Variants in EIPR1 observed in about 807,000 individuals in gnomAD.
EIPR1 encodes EARP and GARP complex-interacting protein 1.
In EIPR1, 25 loss-of-function variants were observed where a neutral mutation model predicts 48.1. The ratio of observed to expected loss-of-function variants is 0.52; its 90% confidence interval spans 0.38 to 0.73. The LOEUF is 0.73. Ranked by LOEUF, EIPR1 falls within the 30% of genes least tolerant of loss-of-function variation. EIPR1 has a pLI of 0.00. For synonymous variants in EIPR1, 204 were observed against 201.9 expected, an observed-to-expected ratio of 1.01 and a Z score of -0.09; for missense variants, 415 against 506.2, an observed-to-expected ratio of 0.82 and a Z score of 1.73.
intron 3 of EIPR1, among the ~76,000 whole-genome samples, chr2:3,306,524 C>T (rs568646033): frequency 5.8e-4 from 88 of 152,316 alleles, no homozygotes; most frequent in Non-Finnish European, 1.2e-3. Context: ...AACTTAACTA[C>T]TAATAGCCCA....
At chr2:3,203,638 C>T (rs1665124721) in intron 5 of EIPR1, among the ~76,000 whole-genome samples, 1 of 152,250 alleles carries the variant, frequency 6.6e-6, no homozygotes, top group South Asian at 2.1e-4. Flanking sequence ...AGAAGAGGCC[C>T]ATGGTCGGCA....
At chr2:3,308,464 A>G (rs937944193) in intron 3 of EIPR1, among the ~76,000 whole-genome samples, 2 of 152,216 alleles carry the variant, frequency 1.3e-5, no homozygotes, top group African/African-American at 2.4e-5. Flanking sequence ...ACAGAACAAC[A>G]GGAAATGTCC....
chr2:3,293,148 T>C (rs1195673315), intron 3 of EIPR1, among the ~76,000 whole-genome samples: 4 of 152,198 alleles, frequency 2.6e-5, no homozygotes, highest in East Asian at 1.9e-4. Flanking sequence ...CTACAATCTA[T>C]AGCCTGGTGG....
intron 4 of EIPR1, among the ~76,000 whole-genome samples, chr2:3,255,998 G>A (rs931784964): frequency 1.3e-5 from 2 of 152,166 alleles, no homozygotes; most frequent in African/African-American, 4.8e-5. Context: ...GACAGCAGTG[G>A]CAATCACTCC....
At chr2:3,344,995 C>T (rs1670357520) in intron 2 of EIPR1, among the ~76,000 whole-genome samples, 1 of 152,104 alleles carries the variant, frequency 6.6e-6, no homozygotes, top group Admixed American at 6.5e-5. Flanking sequence ...TATTAATAGC[C>T]CTTGCCCATG....
intron 4 of EIPR1, among the ~76,000 whole-genome samples, chr2:3,218,327 C>G (rs1381756166): frequency 4.1e-5 from 6 of 147,036 alleles, no homozygotes; most frequent in East Asian, 2.1e-4. Flanking sequence ...GAGTCAGGTG[C>G]ACACCCAACA....
intron 3 of EIPR1, among the ~76,000 whole-genome samples, chr2:3,307,433 A>T (rs892526750): frequency 9.2e-5 from 14 of 152,204 alleles, no homozygotes; most frequent in Admixed American, 6.5e-4. Flanking sequence ...CACAGTGTTC[A>T]TGCAGGAGCC....
chr2:3,375,957 C>T (rs1384975360), intron 1 of EIPR1, among the ~76,000 whole-genome samples: 1 of 152,114 alleles, frequency 6.6e-6, no homozygotes, highest in Non-Finnish European at 1.5e-5. Flanking sequence ...TTAACTGCTG[C>T]CCTGTATAAA....
intron 4 of EIPR1, among the ~76,000 whole-genome samples, chr2:3,252,285 C>G (rs2103210081): frequency 6.6e-6 from 1 of 152,168 alleles, no homozygotes; most frequent in South Asian, 2.1e-4. Flanking sequence ...GCGGCAACTC[C>G]TACGAAGATA....
chr2:3,203,307 C>T (rs956054448), intron 5 of EIPR1, among the ~76,000 whole-genome samples: 2 of 152,204 alleles, frequency 1.3e-5, no homozygotes, highest in Admixed American at 1.3e-4. Context: ...TTTCATGAGG[C>T]TTAGGAACTG....
rs566605791 is a variant in EIPR1, at chr2:3,258,918, T to TTTTA, written c.260-1467_260-1464dup. Among the ~76,000 whole-genome samples, 935 of 152,084 alleles carry TTTTA rather than the reference T, an allele frequency of 6.1e-3. 3 individuals carry two copies. Among genetic ancestry groups the TTTTA allele is most frequent in the Admixed American group, 0.011 (162 of 15,262 alleles). On this transcript the variant is annotated intron_variant, in intron 3 of 8. Transcript: ENST00000382125. Reference sequence around the variant, plus strand: ...ACAGACAGTTCTGTCTACAAGGGAATTTTATTTATTTATTTATTTATTTAT... The same window carrying TTTTA: ...ACAGACAGTTCTGTCTACAAGGGAATTTTATTTATTTATTTATTTATTTATTTAT...
At chr2:3,354,049 C>A in intron 2 of EIPR1, among the ~76,000 whole-genome samples, 1 of 152,176 alleles carries the variant, frequency 6.6e-6, no homozygotes, top group Non-Finnish European at 1.5e-5. Context: ...GGCCATGAAC[C>A]GAATCCGATC....
At chr2:3,220,943 T>C (rs1665867896) in intron 4 of EIPR1, among the ~76,000 whole-genome samples, 1 of 144,728 alleles carries the variant, frequency 6.9e-6, no homozygotes, top group Admixed American at 6.9e-5. Context: ...ACAGCATTTA[T>C]AGTCAGGTGC....
At chr2:3,333,574 T>A (rs539893532) in intron 3 of EIPR1, among the ~76,000 whole-genome samples, 1 of 151,950 alleles carries the variant, frequency 6.6e-6, no homozygotes, top group Admixed American at 6.6e-5. Context: ...TCATCTCTAC[T>A]AGAAATTTTT....
intron 2 of EIPR1, among the ~76,000 whole-genome samples, chr2:3,344,984 G>A (rs1376670988): frequency 6.6e-6 from 1 of 152,128 alleles, no homozygotes; most frequent in Admixed American, 6.5e-5. Flanking sequence ...AAAGCATAGG[G>A]TATTAATAGC....
chr2:3,273,750 T>G (rs1667765951), intron 3 of EIPR1, among the ~76,000 whole-genome samples: 1 of 152,160 alleles, frequency 6.6e-6, no homozygotes, highest in Non-Finnish European at 1.5e-5. Context: ...TCTGGAGGAA[T>G]GCACCCACAG....
At chr2:3,318,008 G>A (rs1669364797) in intron 3 of EIPR1, among the ~76,000 whole-genome samples, 1 of 152,226 alleles carries the variant, frequency 6.6e-6, no homozygotes, top group Non-Finnish European at 1.5e-5. Context: ...CTGCCTAACG[G>A]GATGCACAGC....
At chr2:3,370,697 A>G (rs931217572) in intron 1 of EIPR1, among the ~76,000 whole-genome samples, 1 of 152,180 alleles carries the variant, frequency 6.6e-6, no homozygotes, top group Non-Finnish European at 1.5e-5. Flanking sequence ...AAAAAAGAAT[A>G]AAAAGAAATG....
chr2:3,252,243 G>A (rs776412869), intron 4 of EIPR1, among the ~76,000 whole-genome samples: 6 of 152,158 alleles, frequency 3.9e-5, no homozygotes, highest in Non-Finnish European at 8.8e-5. Flanking sequence ...AACACCACAC[G>A]TGAGTGAGAA....
Sources: gnomAD v4.1 joint callset for allele counts (sites outside exome capture counted in the v4.1 genomes callset) on GRCh38, gnomAD v4.1.1 for gene constraint, MANE v1.5 for transcripts, NCBI Gene and HGNC (gene_info 2026-07-23, HGNC 2026-07-21) for gene names.